The following ZFPM2 variants were observed in gnomAD, a reference collection of about 807,000 sequenced individuals.
ZFPM2 encodes the protein zinc finger protein ZFPM2.
Under a neutral mutation model 98.6 loss-of-function variants are expected in ZFPM2, and 20 were observed. The ratio of observed to expected loss-of-function variants is 0.20; its 90% CI spans 0.14 to 0.29. The LOEUF (loss-of-function observed/expected upper bound fraction) is 0.29, where lower values mean the gene tolerates loss of function less well. Ranked by LOEUF, ZFPM2 falls within the 10% of genes least tolerant of loss-of-function variation. The pLI is 1.00. For synonymous variants in ZFPM2, 518 were observed against 502.7 expected, an observed-to-expected ratio of 1.03 and a Z score of -0.41; for missense variants, 1,310 against 1,388.6, an observed-to-expected ratio of 0.94 and a Z score of 0.90.
At chr8:105,751,077 T>A (rs770591013) in intron 5 of ZFPM2, among the ~76,000 whole-genome samples, 2 of 152,040 alleles carry the variant, frequency 1.3e-5, no homozygotes, top group Non-Finnish European at 2.9e-5. Flanking sequence ...GTTAGCCAGG[T>A]GTAAATAGTA....
intron 1 of ZFPM2, among the ~76,000 whole-genome samples, chr8:105,352,883 A>C (rs1812675295): frequency 6.6e-6 from 1 of 151,776 alleles, no homozygotes; most frequent in Non-Finnish European, 1.5e-5. Flanking sequence ...CTACCTACCT[A>C]CCTATTCGTC....
chr8:105,716,612 A>G (rs1811529616), intron 5 of ZFPM2, among the ~76,000 whole-genome samples: 3 of 151,990 alleles, frequency 2.0e-5, no homozygotes, highest in Non-Finnish European at 4.4e-5. Context: ...TTGAGAGACC[A>G]TGTGCTCTTA....
At chr8:105,443,315 A>G (rs1812297182) in intron 2 of ZFPM2, among the ~76,000 whole-genome samples, 1 of 148,570 alleles carries the variant, frequency 6.7e-6, no homozygotes, top group South Asian at 2.1e-4. Context: ...TCCTTCTCAA[A>G]AAACAAAAAA....
chr8:105,477,444 C>T (rs1173487156), intron 3 of ZFPM2, among the ~76,000 whole-genome samples: 1 of 151,668 alleles, frequency 6.6e-6, no homozygotes, highest in Non-Finnish European at 1.5e-5. Flanking sequence ...AGGGTTTCAC[C>T]ATGTTGGTCA....
At chr8:105,799,880 T>C (rs1813949524) in intron 7 of ZFPM2, among the ~76,000 whole-genome samples, 1 of 152,182 alleles carries the variant, frequency 6.6e-6, no homozygotes, top group South Asian at 2.1e-4. Context: ...GCTACTGTTC[T>C]AACCTCCAGT....
intron 1 of ZFPM2, among the ~76,000 whole-genome samples, chr8:105,322,272 G>T (rs1233558435): frequency 6.6e-6 from 1 of 151,968 alleles, no homozygotes; most frequent in Admixed American, 6.6e-5. Flanking sequence ...CAGAAATGAT[G>T]ATTTTTTTCT....
intron 4 of ZFPM2, among the ~76,000 whole-genome samples, chr8:105,589,017 AG>A (rs1457406442): frequency 2.6e-5 from 4 of 152,214 alleles, no homozygotes; most frequent in Non-Finnish European, 5.9e-5. Flanking sequence ...TAAAACCTTT[AG>A]TAACTCAAAA....
chr8:105,624,144 C>A (rs1395813331), intron 4 of ZFPM2, among the ~76,000 whole-genome samples: 1 of 152,174 alleles, frequency 6.6e-6, no homozygotes, highest in Non-Finnish European at 1.5e-5. Context: ...TCAGGTCACA[C>A]AGCTGGTACC....
chr8:105,534,145 T>C (rs1330207128), intron 3 of ZFPM2, among the ~76,000 whole-genome samples: 4 of 63,228 alleles, frequency 6.3e-5, no homozygotes, highest in African/African-American at 1.5e-4. Flanking sequence ...CTTCCTTTCT[T>C]CCTTCCTCCC....
chr8:105,342,029 C>T (rs1359685635), intron 1 of ZFPM2, among the ~76,000 whole-genome samples: 2 of 151,974 alleles, frequency 1.3e-5, no homozygotes, highest in Non-Finnish European at 2.9e-5. Flanking sequence ...AGCAAAACTC[C>T]AGTTGCATAA....
intron 4 of ZFPM2, among the ~76,000 whole-genome samples, chr8:105,566,949 A>G (rs1373984853): frequency 6.6e-6 from 1 of 152,196 alleles, no homozygotes; most frequent in Non-Finnish European, 1.5e-5. Context: ...AAAGGGCACT[A>G]TAGATATTTT....
At chr8:105,365,101 G>A (rs1199938463) in intron 1 of ZFPM2, among the ~76,000 whole-genome samples, 1 of 152,120 alleles carries the variant, frequency 6.6e-6, no homozygotes, top group Non-Finnish European at 1.5e-5. Context: ...AGAGGGCCCT[G>A]GCCTGTCCTG....
chr8:105,525,908 G>A (rs1027236736), intron 3 of ZFPM2, among the ~76,000 whole-genome samples: 2 of 152,050 alleles, frequency 1.3e-5, no homozygotes, highest in Non-Finnish European at 2.9e-5. Flanking sequence ...AGTTTACAAT[G>A]GTATTTAAAT....
chr8:105,548,681 A>T (rs1003487165), intron 3 of ZFPM2, among the ~76,000 whole-genome samples: 4 of 152,146 alleles, frequency 2.6e-5, no homozygotes, highest in African/African-American at 9.7e-5. Flanking sequence ...ATATTGCTTT[A>T]GTCCTTTGCC....
intron 5 of ZFPM2, among the ~76,000 whole-genome samples, chr8:105,734,568 A>G (rs1390849956): frequency 6.6e-6 from 1 of 151,950 alleles, no homozygotes; most frequent in East Asian, 1.9e-4. Context: ...ATAACTACCT[A>G]GACTTTACAG....
chr8:105,604,561 C>T (rs2130788876), intron 4 of ZFPM2, among the ~76,000 whole-genome samples: 1 of 152,150 alleles, frequency 6.6e-6, no homozygotes, highest in Non-Finnish European at 1.5e-5. Context: ...TAGCCCCTAG[C>T]CAATCTCTGC....
chr8:105,422,047 CAAAAAAA>C (rs747630701), intron 2 of ZFPM2, among the ~76,000 whole-genome samples: 2 of 51,580 alleles, frequency 3.9e-5, no homozygotes, highest in Middle Eastern at 0.01. Flanking sequence ...GACTCCATCT[CAAAAAAA>C]AAAAAAAAAA....
In ZFPM2 at chr8:105,318,920, A is replaced by G; in HGVS notation, c.-22A>G. ...CGACCGCGGGCACCGCGGGAGCCCC[A>G]GCGGCAGCAGCCGCCGCCGAGATGT... On this transcript the variant is annotated 5_prime_UTR_variant, in exon 1 of 8. Transcript: ENST00000407775. 2.9e-6 allele frequency: 4 copies of G among 1,399,466 alleles called. No homozygotes were observed. Among genetic ancestry groups the G allele is most frequent in the Non-Finnish European group, 3.8e-6 (4 of 1,060,214 alleles). The allele number at this position is 1,399,466 out of a possible 1,614,324, so 86.7% of individuals were successfully genotyped here.
chr8:105,726,574 A>C (rs749185945), intron 5 of ZFPM2, among the ~76,000 whole-genome samples: 14 of 151,802 alleles, frequency 9.2e-5, no homozygotes, highest in Non-Finnish European at 1.8e-4. Flanking sequence ...TTGTGCTAGC[A>C]TCAACTTTGT....
Sources: gnomAD v4.1 joint callset for allele counts (sites outside exome capture counted in the v4.1 genomes callset) on GRCh38, gnomAD v4.1.1 for gene constraint, MANE v1.5 for transcripts, NCBI Gene and HGNC (gene_info 2026-07-23, HGNC 2026-07-21) for gene names.